TMEM181: variants seen among roughly 807,000 people sequenced by gnomAD.
The protein encoded by TMEM181 is transmembrane protein 181.
TMEM181 carries 39 observed loss-of-function variants against 71.9 expected under a neutral mutation model. The ratio of observed to expected loss-of-function variants is 0.54; its 90% CI spans 0.42 to 0.71. The LOEUF (loss-of-function observed/expected upper bound fraction) is 0.71. Among genes scored for constraint, TMEM181 ranks in the 30% least tolerant of loss-of-function variants. The probability of loss-of-function intolerance (pLI) is 0.00; values close to 1 mark genes in which losing one functional copy is unlikely to be tolerated. For synonymous variants in TMEM181, 245 were observed against 228.8 expected (o/e 1.07, Z -0.64); for missense variants, 595 against 583.0 (o/e 1.02, Z -0.21).
intron 5 of TMEM181, among the ~76,000 whole-genome samples, chr6:158,587,184 A>T (rs1393383873): frequency 6.6e-6 from 1 of 152,190 alleles, no homozygotes; most frequent in East Asian, 1.9e-4. Context: ...TAAAATCGGG[A>T]CAAGTGGGTT....
At chr6:158,560,361 AG>A in intron 1 of TMEM181, 129 bp downstream of exon 1, 10 of 966,114 alleles carry the variant, frequency 1.0e-5, no homozygotes, top group Non-Finnish European at 1.1e-5. Context: ...GGCAGGGAAA[AG>A]GGCGCTGAAG....
Position 158,634,644 on chromosome 6 carries a change from C to A in TMEM181, c.*2756C>A, listed in dbSNP as rs1382714695. 6.6e-6 allele frequency: 1 copy of A among 152,104 alleles called. No individual in the cohort carries two copies. The highest frequency in any genetic ancestry group is 1.9e-4 in the East Asian group (1 of 5,194). The allele number at this position is 152,104 out of a possible 1,614,324, so 9.4% of individuals were successfully genotyped here. Reference sequence around the variant, plus strand: ...GTGGTGCCATTTTCTCTCTCTTAAGCCCCATTTGAAAGGCTAGAGAAGGGG... The same window carrying A: ...GTGGTGCCATTTTCTCTCTCTTAAGACCCATTTGAAAGGCTAGAGAAGGGG... On this transcript the variant is annotated 3_prime_UTR_variant, in exon 17 of 17. Coordinates refer to ENST00000684151, the MANE Select transcript of TMEM181 (RefSeq NM_001376852.1).
At chr6:158,573,371 C>T (rs745699615) in intron 1 of TMEM181, 49 bp from the exon 2 acceptor site, 3 of 1,463,880 alleles carry the variant, frequency 2.0e-6, no homozygotes, top group Middle Eastern at 1.8e-4. Context: ...TTTCCTGTGA[C>T]CTCCGGGCCT....
intron 1 of TMEM181, among the ~76,000 whole-genome samples, chr6:158,562,365 G>A (rs923155081): frequency 6.6e-5 from 10 of 152,120 alleles, no homozygotes; most frequent in Non-Finnish European, 1.3e-4. Context: ...CTACAGGGCT[G>A]CACGGAGTTG....
chr6:158,605,131 AGTGTG>A, intron 6 of TMEM181, 131 bp from the exon 7 acceptor site: 6 of 159,664 alleles, frequency 3.8e-5, no homozygotes, highest in Admixed American at 1.1e-4. Context: ...AAAAAAAAAA[AGTGTG>A]TGTGTGTGTG....
chr6:158,572,213 C>T (rs1200992581), intron 1 of TMEM181, among the ~76,000 whole-genome samples: 1 of 152,234 alleles, frequency 6.6e-6, no homozygotes, highest in Non-Finnish European at 1.5e-5. Context: ...TCTGCAACTG[C>T]AGTCTCTCAG....
rs1393795234 is a variant in TMEM181 at position 158,560,205 on chromosome 6, C to T, written c.-20C>T. On this transcript the variant is annotated 5_prime_UTR_variant, in exon 1 of 17. Transcript: ENST00000684151. ...GGGCTCGGGACGCGCGGGCCGGGGC[C>T]GAGGGCTCTGGGCGCCGAGATGGAG... 10 of 984,728 alleles carry T rather than the reference C, an allele frequency of 1.0e-5. No homozygotes were observed. Among genetic ancestry groups the T allele is most frequent in the Admixed American group, 6.2e-5 (1 of 16,208 alleles). The allele number at this position is 984,728 out of a possible 1,614,324, so 61.0% of individuals were successfully genotyped here.
intron 6 of TMEM181, among the ~76,000 whole-genome samples, chr6:158,591,146 A>G (rs1784087428): frequency 6.6e-6 from 1 of 152,138 alleles, no homozygotes; most frequent in Non-Finnish European, 1.5e-5. Context: ...GGCTGTTGTG[A>G]ACTACACAAA....
chr6:158,545,270 T>C (rs1781490646), intron 1 of TMEM181, among the ~76,000 whole-genome samples: 1 of 152,280 alleles, frequency 6.6e-6, no homozygotes, highest in Non-Finnish European at 1.5e-5. Flanking sequence ...TTGTTCTGCA[T>C]GTTCAAGGCC....
chr6:158,626,397 G>A (rs1406764206), intron 13 of TMEM181: 1 of 456,588 alleles, frequency 2.2e-6, no homozygotes, highest in Non-Finnish European at 4.4e-6. Flanking sequence ...GAATCCAGAG[G>A]AGGAAAAAAT....
At chr6:158,591,826 G>A (rs1035588749) in intron 6 of TMEM181, among the ~76,000 whole-genome samples, 3 of 152,064 alleles carry the variant, frequency 2.0e-5, no homozygotes, top group East Asian at 1.9e-4. Flanking sequence ...CCGCTGTTTT[G>A]TCTTTATGGT....
intron 6 of TMEM181, among the ~76,000 whole-genome samples, chr6:158,600,847 C>T (rs915531792): frequency 2.0e-5 from 3 of 152,150 alleles, no homozygotes; most frequent in Non-Finnish European, 2.9e-5. Context: ...AATCCCCCTC[C>T]TCCAGGGAGT....
At chr6:158,548,750 C>T (rs910086966) in intron 1 of TMEM181, among the ~76,000 whole-genome samples, 4 of 152,170 alleles carry the variant, frequency 2.6e-5, no homozygotes, top group Admixed American at 2.6e-4. Flanking sequence ...GGTGCCAGGT[C>T]CTGGAAAGAG....
intron 7 of TMEM181, 109 bp downstream of exon 7, chr6:158,605,456 A>T (rs1264887625): frequency 7.9e-6 from 8 of 1,009,456 alleles, no homozygotes; most frequent in Non-Finnish European, 9.3e-6. Context: ...CTGAACTCAG[A>T]TGCTCCATCC....
chr6:158,599,682 G>A (rs1248603419), intron 6 of TMEM181, among the ~76,000 whole-genome samples: 1 of 152,240 alleles, frequency 6.6e-6, no homozygotes, highest in Non-Finnish European at 1.5e-5. Flanking sequence ...TGAGGCACTG[G>A]CTGGGCTTGC....
chr6:158,631,650 G>A (rs535643979), intron 16 of TMEM181, among the ~76,000 whole-genome samples, 160 bp from the exon 17 acceptor site: 1 of 152,234 alleles, frequency 6.6e-6, no homozygotes, highest in Non-Finnish European at 1.5e-5. Flanking sequence ...GGAACTGGGG[G>A]TCAGGGAGAG....
At position 158,608,356 on chromosome 6, in the gene TMEM181, C is replaced by G. The variant is rs769890117; in HGVS notation, c.697C>G (p.Leu233Val). 3.7e-6 allele frequency: 6 copies of G among 1,614,152 alleles called. No individual in the cohort carries two copies. The Admixed American group carries it at 1.0e-4, about 27-fold the overall frequency. ...AGATCCGTTCTTCCCCCTCTCCTTC[C>G]TGGTCAACAGCTGGCTCCCAGGGAT... Reference protein sequence around the residue: ...YNDPFFPLSFLVNSWLPGMLD... With the variant: ...YNDPFFPLSFVVNSWLPGMLD... The change falls in exon 9 of 17, where the codon CTG becomes GTG. Residue 233 changes from leucine to valine, a missense_variant. Coordinates refer to ENST00000684151, the MANE Select transcript of TMEM181 (RefSeq NM_001376852.1).
At chr6:158,548,284 C>T (rs1275457958) in intron 1 of TMEM181, among the ~76,000 whole-genome samples, 1 of 152,196 alleles carries the variant, frequency 6.6e-6, no homozygotes, top group Admixed American at 6.5e-5. Flanking sequence ...CCTTCCTTCC[C>T]TGGGATTGTA....
rs1187649069 is a variant in TMEM181 at position 158,634,758 on chromosome 6, AC to A, written c.*2873del. ...AGCTTAGATACATTTTGTAAACCCA[AC>A]CCACTAAATGAGCAGGTTACAAGAC... On this transcript the variant is annotated 3_prime_UTR_variant, in exon 17 of 17. Transcript: ENST00000684151. The A allele has an allele frequency of 1.3e-5, 2 of 152,196 alleles. No homozygotes were observed. Among genetic ancestry groups the A allele is most frequent in the African/African-American group, 4.8e-5 (2 of 41,446 alleles). The allele number at this position is 152,196 out of a possible 1,614,324, so 9.4% of individuals were successfully genotyped here. A position where few individuals can be genotyped will look rare whatever the true frequency, so the allele number is the denominator to read the frequency against.
Sources: gnomAD v4.1 joint callset for allele counts (sites outside exome capture counted in the v4.1 genomes callset) on GRCh38, gnomAD v4.1.1 for gene constraint, MANE v1.5 for transcripts, NCBI Gene and HGNC (gene_info 2026-07-23, HGNC 2026-07-21) for gene names.